Variants in NIPAL2 observed in about 807,000 individuals in gnomAD.
NIPAL2 encodes the protein NIPA-like protein 2.
A neutral mutation model predicts 48.9 loss-of-function variants in NIPAL2; 43 were observed. The observed-to-expected ratio is 0.88, with a 90% CI of 0.69 to 1.13. The LOEUF is 1.13. Among genes scored for constraint, NIPAL2 ranks in the 50% most tolerant of loss-of-function variants. The pLI is 0.00. For synonymous variants in NIPAL2, 167 were observed against 174.6 expected, an observed-to-expected ratio of 0.96 and a Z score of 0.34; for missense variants, 446 against 461.4, an observed-to-expected ratio of 0.97 and a Z score of 0.31.
intron 3 of NIPAL2, among the ~76,000 whole-genome samples, chr8:98,240,246 C>T (rs896033308): frequency 6.6e-6 from 1 of 152,148 alleles, no homozygotes; most frequent in African/African-American, 2.4e-5. Flanking sequence ...ATGCTTTTCC[C>T]TCTGGCCTTC....
At chr8:98,290,858 G>A (rs1332107611) in intron 1 of NIPAL2, among the ~76,000 whole-genome samples, 2 of 152,128 alleles carry the variant, frequency 1.3e-5, no homozygotes, top group Admixed American at 6.5e-5. Context: ...TCATGCGGGG[G>A]AAAAGGCCCG....
intron 1 of NIPAL2, among the ~76,000 whole-genome samples, chr8:98,286,051 G>A (rs1388153861): frequency 6.6e-6 from 1 of 152,148 alleles, no homozygotes; most frequent in Admixed American, 6.5e-5. Flanking sequence ...GCGGATTAAT[G>A]TCTTTGTTTC....
chr8:98,267,657 C>A (rs1184053187), intron 1 of NIPAL2, among the ~76,000 whole-genome samples: 2 of 152,056 alleles, frequency 1.3e-5, no homozygotes, highest in East Asian at 1.9e-4. Flanking sequence ...GCCAATCATA[C>A]TATTTTATTA....
At chr8:98,228,653 TAGATCCATCTCA>T (rs1227320052) in intron 4 of NIPAL2, among the ~76,000 whole-genome samples, 1 of 152,138 alleles carries the variant, frequency 6.6e-6, no homozygotes, top group Non-Finnish European at 1.5e-5. Context: ...AGACCCTGGA[TAGATCCATCTCA>T]GGATGCATCT....
Position 98,213,219 on chromosome 8 carries a change from C to T in NIPAL2, c.559-718G>A, listed in dbSNP as rs372088361. ...TGCACTCCCCTCCTCCTTCAACCTC[C>T]CCAGGAACCACTACACGGAAAATCT... On this transcript the variant is annotated intron_variant, in intron 5 of 10. Coordinates refer to ENST00000430223, the MANE Select transcript of NIPAL2 (RefSeq NM_001321635.2). Among the ~76,000 whole-genome samples the T allele has an allele frequency of 1.6e-4, 24 of 152,272 alleles. No homozygotes were observed. The East Asian group carries it at 2.3e-3, about 15-fold the overall frequency.
chr8:98,201,712 C>T (rs1810809411), intron 8 of NIPAL2, among the ~76,000 whole-genome samples: 1 of 152,092 alleles, frequency 6.6e-6, no homozygotes, highest in African/African-American at 2.4e-5. Context: ...TCCAATAATT[C>T]TAAGACACAT....
At chr8:98,238,195 G>C (rs533130948) in intron 3 of NIPAL2, among the ~76,000 whole-genome samples, 2 of 152,150 alleles carry the variant, frequency 1.3e-5, no homozygotes, top group African/African-American at 4.8e-5. Flanking sequence ...ATCCAAAATT[G>C]CAATAATACA....
At chr8:98,265,562 C>T (rs1212025387) in intron 1 of NIPAL2, among the ~76,000 whole-genome samples, 5 of 126,316 alleles carry the variant, frequency 4.0e-5, no homozygotes, top group Non-Finnish European at 8.3e-5. Context: ...CAGAGAAATG[C>T]AAATCAAAAC....
intron 1 of NIPAL2, among the ~76,000 whole-genome samples, chr8:98,273,749 C>T (rs992536180): frequency 7.2e-5 from 11 of 151,808 alleles, no homozygotes; most frequent in African/African-American, 2.7e-4. Flanking sequence ...TTTCCGTTTT[C>T]ATCTTGTTCA....
chr8:98,212,595 T>C, intron 5 of NIPAL2, 94 bp from the exon 6 acceptor site: 2 of 672,026 alleles, frequency 3.0e-6, no homozygotes, highest in Non-Finnish European at 5.2e-6. Context: ...AATTCTCATA[T>C]GAGCGTTGAG....
At chr8:98,254,983 T>C (rs1405652599) in intron 1 of NIPAL2, among the ~76,000 whole-genome samples, 2 of 152,236 alleles carry the variant, frequency 1.3e-5, no homozygotes, top group African/African-American at 4.8e-5. Context: ...TAAGCCTCCC[T>C]TATTTACTCT....
intron 1 of NIPAL2, among the ~76,000 whole-genome samples, chr8:98,266,211 A>G (rs1320106452): frequency 6.6e-6 from 1 of 151,166 alleles, no homozygotes; most frequent in Non-Finnish European, 1.5e-5. Context: ...GCAGTGCACC[A>G]GCATGGCACA....
chr8:98,274,561 A>C (rs1186048702), intron 1 of NIPAL2, among the ~76,000 whole-genome samples: 1 of 151,958 alleles, frequency 6.6e-6, no homozygotes, highest in Non-Finnish European at 1.5e-5. Context: ...TAATCTCAAT[A>C]ATGTTTTTGT....
chr8:98,263,560 T>C (rs1034577457), intron 1 of NIPAL2, among the ~76,000 whole-genome samples: 10 of 148,736 alleles, frequency 6.7e-5, no homozygotes, highest in Admixed American at 3.3e-4. Flanking sequence ...ACACATACAC[T>C]CTCCCAAGAC....
chr8:98,202,014 T>C lies in NIPAL2; in HGVS notation c.880+1094A>G, dbSNP rs1233035878. Among the ~76,000 whole-genome samples the C allele has an allele frequency of 2.0e-5, 3 of 152,200 alleles. No individual in the cohort carries two copies. In the South Asian group the frequency reaches 6.2e-4, roughly 32 times the overall value. On this transcript the variant is annotated intron_variant, in intron 8 of 10. Transcript: ENST00000430223. Reference sequence around the variant, plus strand: ...GTGGTAAATACATCAGATAAGCCAATGAATGAGGGCATACCAGTACCAAAT... The same window carrying C: ...GTGGTAAATACATCAGATAAGCCAACGAATGAGGGCATACCAGTACCAAAT...
At chr8:98,257,095 C>G (rs1283772431) in intron 1 of NIPAL2, among the ~76,000 whole-genome samples, 2 of 152,130 alleles carry the variant, frequency 1.3e-5, no homozygotes, top group African/African-American at 4.8e-5. Context: ...CAAAGTTAAC[C>G]TGAAAAACTA....
intron 3 of NIPAL2, among the ~76,000 whole-genome samples, chr8:98,247,564 C>T (rs11778668): frequency 0.09 from 13,753 of 152,260 alleles, 839 homozygotes; most frequent in Middle Eastern, 0.21. Flanking sequence ...TTTCTCAGCA[C>T]AATTCTCTGA....
chr8:98,233,336 C>A (rs1026438556), intron 4 of NIPAL2, among the ~76,000 whole-genome samples: 25 of 98,922 alleles, frequency 2.5e-4, no homozygotes, highest in Non-Finnish European at 5.1e-4. Context: ...AGTTTGTTTT[C>A]TTGATGTGTG....
intron 4 of NIPAL2, 68 bp from the exon 5 acceptor site, chr8:98,222,668 G>A (rs1031066983): frequency 1.1e-5 from 16 of 1,485,054 alleles, no homozygotes; most frequent in Non-Finnish European, 1.5e-5. Flanking sequence ...CGCAGACATT[G>A]CCTAGAGACT....
Sources: gnomAD v4.1 joint callset for allele counts (sites outside exome capture counted in the v4.1 genomes callset) on GRCh38, gnomAD v4.1.1 for gene constraint, MANE v1.5 for transcripts, NCBI Gene and HGNC (gene_info 2026-07-23, HGNC 2026-07-21) for gene names.